The following QRFPR variants were observed in gnomAD, a reference collection of about 807,000 sequenced individuals.
QRFPR encodes pyroglutamylated RFamide peptide receptor.
QRFPR carries 37 observed loss-of-function variants against 31.3 expected under a neutral mutation model. The observed-to-expected ratio is 1.18, with a 90% confidence interval of 0.91 to 1.56. The LOEUF (loss-of-function observed/expected upper bound fraction) is 1.56. Ranked by LOEUF, QRFPR falls within the 40% of genes most tolerant of loss-of-function variation. The pLI is 0.00. For missense variants in QRFPR, 542 were observed against 532.5 expected (o/e 1.02, Z -0.18); for synonymous variants, 197 against 192.0 (o/e 1.03, Z -0.22).
intron 1 of QRFPR, among the ~76,000 whole-genome samples, chr4:121,359,779 G>GTA (rs1725949936): frequency 7.4e-6 from 1 of 134,412 alleles, no homozygotes; most frequent in Admixed American, 7.7e-5. Flanking sequence ...ATATATAGGA[G>GTA]TGTGTGTGTG....
Position 121,367,039 on chromosome 4 carries a change from G to A in QRFPR, c.340+13269C>T, listed in dbSNP as rs139812535. Among the ~76,000 whole-genome samples, 19 of 150,078 alleles carry A rather than the reference G, an allele frequency of 1.3e-4. 2 individuals carry two copies. The East Asian group carries it at 2.6e-3, about 20-fold the overall frequency. On this transcript the variant is annotated intron_variant, in intron 1 of 5. Transcript: ENST00000394427. Reference sequence around the variant, plus strand: ...ACCCTGGTGTCCAAATTGAGGTGCCGTCATGTACCTCTTTAGGCTATGAAC... The same window carrying A: ...ACCCTGGTGTCCAAATTGAGGTGCCATCATGTACCTCTTTAGGCTATGAAC...
intron 5 of QRFPR, 43 bp downstream of exon 5, chr4:121,330,383 A>C: frequency 1.5e-6 from 2 of 1,320,752 alleles, no homozygotes; most frequent in Non-Finnish European, 2.2e-6. Context: ...TCTAGCAGGA[A>C]ATGAATGAGA....
rs552442931 is a variant in QRFPR, at chr4:121,380,720, G to A, written c.-73C>T. 2.0e-3 allele frequency: 2,706 copies of A among 1,383,500 alleles called. 7 individuals are homozygous for A. Among genetic ancestry groups the A allele is most frequent in the Non-Finnish European group, 2.3e-3 (2,345 of 1,037,572 alleles). 85.7% of individuals were successfully genotyped at this position (1,383,500 alleles called of 1,614,324 possible). ...CATCCGCATCTGCGGGGCAGCGAGG[G>A]CTTCGGGGGACCAGCCGGAGGCCGC... On this transcript the variant is annotated 5_prime_UTR_variant, in exon 1 of 6. Coordinates refer to ENST00000394427, the MANE Select transcript of QRFPR (RefSeq NM_198179.3).
chr4:121,355,157 C>T (rs1027767777), intron 1 of QRFPR, among the ~76,000 whole-genome samples: 6 of 151,988 alleles, frequency 3.9e-5, no homozygotes, highest in Admixed American at 2.6e-4. Context: ...ATTAGTTCTT[C>T]TTTAAGTGTT....
In QRFPR at chr4:121,330,415, C is replaced by T; in HGVS notation, c.895+11G>A. On this transcript the variant is annotated intron_variant, in intron 5 of 5. Coordinates refer to ENST00000394427, the MANE Select transcript of QRFPR (RefSeq NM_198179.3). ...GAGAATGTCTATCAAATGAGAATGA[C>T]AAGCACTCACTGTATTCAATCATCA... The T allele has an allele frequency of 1.9e-6, 3 of 1,566,628 alleles. No individual in the cohort carries two copies. The highest frequency in any genetic ancestry group is 2.6e-6 in the Non-Finnish European group (3 of 1,137,742).
At chr4:121,332,010 C>T (rs572777498) in intron 4 of QRFPR, among the ~76,000 whole-genome samples, 22 of 152,242 alleles carry the variant, frequency 1.4e-4, no homozygotes, top group Non-Finnish European at 3.1e-4. Context: ...GAGGAACCAA[C>T]TTAACGATAG....
chr4:121,359,703 ATG>A (rs200247363), intron 1 of QRFPR, among the ~76,000 whole-genome samples: 1,545 of 148,748 alleles, frequency 0.01, 33 homozygotes, highest in African/African-American at 0.035. Context: ...ATATGTGTGT[ATG>A]TGTGTGTGTG....
At chr4:121,335,725 T>C (rs776233832) in intron 3 of QRFPR, among the ~76,000 whole-genome samples, 7 of 152,102 alleles carry the variant, frequency 4.6e-5, no homozygotes, top group Non-Finnish European at 1.0e-4. Context: ...TATAAATTGA[T>C]TAAATAAGAG....
chr4:121,369,757 G>T lies in QRFPR; in HGVS notation c.340+10551C>A. On this transcript the variant is annotated intron_variant, in intron 1 of 5. Coordinates refer to ENST00000394427, the MANE Select transcript of QRFPR (RefSeq NM_198179.3). ...TAGGATTTGGGCCAGGTAAGGCTGTGGAAGAACCAGAAGTGAACCAGCCCC... is the reference window on the plus strand; with the variant it reads ...TAGGATTTGGGCCAGGTAAGGCTGTTGAAGAACCAGAAGTGAACCAGCCCC... 7 of 1,600,328 alleles carry T rather than the reference G, an allele frequency of 4.4e-6. No individual in the cohort carries two copies. In the South Asian group the frequency reaches 7.7e-5, roughly 18 times the overall value.
chr4:121,380,234 AGAGAGAGAGAGAGATC>A (rs1288460309), intron 1 of QRFPR, 58 bp downstream of exon 1: 4 of 1,022,348 alleles, frequency 3.9e-6, no homozygotes, highest in Non-Finnish European at 5.8e-6. Flanking sequence ...AGAGAGAGAG[AGAGAGAGAGAGAGATC>A]CCCTGAAAGG....
chr4:121,338,398 G>A (rs532706975), intron 2 of QRFPR, among the ~76,000 whole-genome samples: 11 of 152,308 alleles, frequency 7.2e-5, no homozygotes, highest in Non-Finnish European at 1.5e-4. Flanking sequence ...GGGCAAGAAA[G>A]CCTAGAGGAC....
chr4:121,359,952 G>A (rs13114721), intron 1 of QRFPR, among the ~76,000 whole-genome samples: 23,745 of 146,620 alleles, frequency 0.16, 2,764 homozygotes, highest in East Asian at 0.54. Context: ...TTCCCACCTC[G>A]TTTTTCTAAA....
intron 1 of QRFPR, among the ~76,000 whole-genome samples, chr4:121,341,136 G>A (rs1052162554): frequency 1.1e-4 from 17 of 152,158 alleles, no homozygotes; most frequent in African/African-American, 3.6e-4. Context: ...CTAATGCAAC[G>A]GTCTCAAAGT....
chr4:121,348,715 T>A (rs1485877985), intron 1 of QRFPR, among the ~76,000 whole-genome samples: 2 of 152,346 alleles, frequency 1.3e-5, no homozygotes, highest in African/African-American at 2.4e-5. Flanking sequence ...GCCTTTAGAA[T>A]GTTGAAGACC....
intron 1 of QRFPR, among the ~76,000 whole-genome samples, chr4:121,342,774 T>C (rs888825147): frequency 2.0e-5 from 3 of 152,198 alleles, no homozygotes; most frequent in African/African-American, 7.2e-5. Flanking sequence ...TAAATATTCA[T>C]TGAATTGAAA....
At chr4:121,361,081 T>C (rs980722190) in intron 1 of QRFPR, among the ~76,000 whole-genome samples, 3 of 152,020 alleles carry the variant, frequency 2.0e-5, no homozygotes, top group African/African-American at 7.3e-5. Flanking sequence ...GTTACAATAA[T>C]ATCTCACAGA....
intron 1 of QRFPR, among the ~76,000 whole-genome samples, chr4:121,352,109 AT>A (rs1725771976): frequency 6.6e-6 from 1 of 152,128 alleles, no homozygotes; most frequent in South Asian, 2.1e-4. Flanking sequence ...TGGAATAAAT[AT>A]TTTTTGTTTT....
At chr4:121,338,190 C>T (rs139869852) in intron 2 of QRFPR, among the ~76,000 whole-genome samples, 1 of 152,300 alleles carries the variant, frequency 6.6e-6, no homozygotes, top group African/African-American at 2.4e-5. Context: ...TTCTGCCTCC[C>T]TATTACCATA....
At chr4:121,337,211 A>G (rs933607632) in intron 2 of QRFPR, among the ~76,000 whole-genome samples, 1 of 152,072 alleles carries the variant, frequency 6.6e-6, no homozygotes, top group African/African-American at 2.4e-5. Context: ...TCCTCTACTG[A>G]GGAGCCTGCA....
Sources: gnomAD v4.1 joint callset for allele counts (sites outside exome capture counted in the v4.1 genomes callset) on GRCh38, gnomAD v4.1.1 for gene constraint, MANE v1.5 for transcripts, NCBI Gene and HGNC (gene_info 2026-07-23, HGNC 2026-07-21) for gene names.